Variants in TBC1D22A observed in about 807,000 individuals in gnomAD.
TBC1D22A encodes putative GTPase activator.
Under a neutral mutation model 60.2 loss-of-function variants are expected in TBC1D22A, and 38 were observed. The ratio of observed to expected loss-of-function variants is 0.63; its 90% CI spans 0.49 to 0.83. The LOEUF (loss-of-function observed/expected upper bound fraction) is 0.83, where lower values mean the gene tolerates loss of function less well. TBC1D22A is among the 40% of genes least tolerant of loss of function. The pLI is 0.00. For missense variants in TBC1D22A, 628 were observed against 701.0 expected, an observed-to-expected ratio of 0.90 and a Z score of 1.18; for synonymous variants, 302 against 281.7, an observed-to-expected ratio of 1.07 and a Z score of -0.72.
intron 8 of TBC1D22A, among the ~76,000 whole-genome samples, chr22:46,938,870 G>A (rs2071820165): frequency 6.6e-6 from 1 of 152,066 alleles, no homozygotes; most frequent in Admixed American, 6.6e-5. Flanking sequence ...ACAGGCGTGA[G>A]CCACCACAGC....
intron 9 of TBC1D22A, among the ~76,000 whole-genome samples, chr22:46,993,356 C>T (rs895922210): frequency 6.6e-6 from 1 of 152,268 alleles, no homozygotes; most frequent in African/African-American, 2.4e-5. Context: ...TTGTCTTCAG[C>T]CCTTCCTCTC....
intron 8 of TBC1D22A, among the ~76,000 whole-genome samples, chr22:46,948,256 A>G (rs1310885239): frequency 2.6e-5 from 4 of 152,262 alleles, no homozygotes; most frequent in Non-Finnish European, 4.4e-5. Flanking sequence ...TCTTAAATTG[A>G]CAAGTAAGAT....
intron 4 of TBC1D22A, among the ~76,000 whole-genome samples, chr22:46,825,214 T>G (rs2085999580): frequency 6.6e-6 from 1 of 152,078 alleles, no homozygotes; most frequent in South Asian, 2.1e-4. Context: ...ACATCCACGT[T>G]CCCCCCAGAG....
At position 46,895,677 on chromosome 22, in the gene TBC1D22A, CATTGTTTTCTAAG is replaced by C. The variant is rs1404719296; in HGVS notation, c.900+835_900+847del. Among the ~76,000 whole-genome samples, 21 of 152,320 alleles carry C rather than the reference CATTGTTTTCTAAG, an allele frequency of 1.4e-4. 2 individuals carry two copies. In the East Asian group the frequency reaches 4.0e-3, roughly 29 times the overall value. On this transcript the variant is annotated intron_variant, in intron 7 of 12. Coordinates refer to ENST00000337137, the MANE Select transcript of TBC1D22A (RefSeq NM_014346.5). Reference sequence around the variant, plus strand: ...GTGAGCCACGGCGCCCGGCGTCTCTCATTGTTTTCTAAGATTCAGCTAATCTGTTGTATCTAGT... The same window carrying C: ...GTGAGCCACGGCGCCCGGCGTCTCTCATTCAGCTAATCTGTTGTATCTAGT...
chr22:47,046,976 G>A (rs1176711185), intron 11 of TBC1D22A, among the ~76,000 whole-genome samples: 1 of 152,238 alleles, frequency 6.6e-6, no homozygotes, highest in African/African-American at 2.4e-5. Flanking sequence ...GGCATTTTTG[G>A]TAAGCTTTCA....
chr22:46,934,014 CTTTTAATATTTTCTTT>C (rs2071503616), intron 8 of TBC1D22A, among the ~76,000 whole-genome samples: 1 of 152,146 alleles, frequency 6.6e-6, no homozygotes, highest in Admixed American at 6.5e-5. Context: ...TGATATGTGC[CTTTTAATATTTTCTTT>C]TTTCTATTTG....
intron 4 of TBC1D22A, among the ~76,000 whole-genome samples, chr22:46,839,259 A>T (rs1293220367): frequency 7.4e-6 from 1 of 135,840 alleles, no homozygotes; most frequent in Non-Finnish European, 1.6e-5. Context: ...AAAAGAATGA[A>T]ATATGATACT....
intron 11 of TBC1D22A, among the ~76,000 whole-genome samples, chr22:47,083,675 C>G (rs745563843): frequency 7.9e-5 from 12 of 152,094 alleles, no homozygotes; most frequent in African/African-American, 2.9e-4. Context: ...TTTGGCAGAC[C>G]GTTTGCTTAA....
chr22:47,174,565 T>C lies in TBC1D22A; in HGVS notation c.*939T>C, dbSNP rs984757569. 2 of 152,314 alleles carry C rather than the reference T, an allele frequency of 1.3e-5. No homozygotes were observed. The highest frequency in any genetic ancestry group is 1.3e-4 in the Admixed American group (2 of 15,286). 9.4% of individuals were successfully genotyped at this position (152,314 alleles called of 1,614,324 possible). A position where few individuals can be genotyped will look rare whatever the true frequency, so the allele number is the denominator to read the frequency against. On this transcript the variant is annotated 3_prime_UTR_variant, in exon 13 of 13. Coordinates refer to ENST00000337137, the MANE Select transcript of TBC1D22A (RefSeq NM_014346.5). ...GAGACTTCCTGGGACTTGCTGTCCTTGTCCAGGTCTGCCAGGTGTAGGGGA... is the reference window on the plus strand; with the variant it reads ...GAGACTTCCTGGGACTTGCTGTCCTCGTCCAGGTCTGCCAGGTGTAGGGGA...
intron 4 of TBC1D22A, among the ~76,000 whole-genome samples, chr22:46,806,341 A>ATTTTTTTTTTT (rs34490073): frequency 7.5e-6 from 1 of 132,598 alleles, no homozygotes; most frequent in Non-Finnish European, 1.6e-5. Context: ...CTCTGTTCTG[A>ATTTTTTTTTTT]TTTTTTTTTT....
At chr22:46,886,487 A>G (rs1223424505) in intron 5 of TBC1D22A, among the ~76,000 whole-genome samples, 1 of 152,134 alleles carries the variant, frequency 6.6e-6, no homozygotes, top group Non-Finnish European at 1.5e-5. Flanking sequence ...GGCGGTTGTG[A>G]CCCGATGCCC....
In TBC1D22A at chr22:46,904,169, A is replaced by C. The variant is rs1431780641; in HGVS notation, c.901-7905A>C. ...TACCTACCTACCTACCTACCTACCT[A>C]CCTACCAGTCTGAGAGCAAAAGCTT... On this transcript the variant is annotated intron_variant, in intron 7 of 12. Coordinates refer to ENST00000337137, the MANE Select transcript of TBC1D22A (RefSeq NM_014346.5). 2.8e-5 allele frequency among the ~76,000 whole-genome samples: 4 copies of C among 143,902 alleles called. No individual in the cohort carries two copies. The Admixed American group carries it at 2.8e-4, about 10-fold the overall frequency. 94.4% of individuals were successfully genotyped at this position (143,902 alleles called of 152,430 possible). A position where few individuals can be genotyped will look rare whatever the true frequency, so the allele number is the denominator to read the frequency against.
At chr22:46,851,393 C>T (rs1323005381) in intron 4 of TBC1D22A, among the ~76,000 whole-genome samples, 2 of 152,246 alleles carry the variant, frequency 1.3e-5, no homozygotes, top group African/African-American at 4.8e-5. Flanking sequence ...TGCTGCTGCA[C>T]TCATCTCTAG....
intron 11 of TBC1D22A, among the ~76,000 whole-genome samples, chr22:47,099,550 A>G (rs1051196429): frequency 1.3e-5 from 2 of 151,858 alleles, no homozygotes; most frequent in African/African-American, 4.8e-5. Flanking sequence ...GGTTCAAGCA[A>G]TTCTCCTGCC....
intron 8 of TBC1D22A, among the ~76,000 whole-genome samples, chr22:46,946,292 G>C (rs531333054): frequency 6.6e-6 from 1 of 152,360 alleles, no homozygotes; most frequent in East Asian, 1.9e-4. Context: ...AGAGGATGCT[G>C]TGTGGAATAG....
intron 9 of TBC1D22A, among the ~76,000 whole-genome samples, chr22:46,978,330 ATATT>A (rs1289877174): frequency 6.6e-6 from 1 of 152,266 alleles, no homozygotes; most frequent in African/African-American, 2.4e-5. Flanking sequence ...AAAATTAAAA[ATATT>A]TAGTAATTTA....
At chr22:46,947,140 T>G (rs577895410) in intron 8 of TBC1D22A, among the ~76,000 whole-genome samples, 3 of 152,064 alleles carry the variant, frequency 2.0e-5, no homozygotes, top group Admixed American at 6.5e-5. Flanking sequence ...AAGAGTGCTG[T>G]GAATCGGTAG....
At chr22:46,928,126 G>GA (rs56701535) in intron 8 of TBC1D22A, among the ~76,000 whole-genome samples, 55 of 146,396 alleles carry the variant, frequency 3.8e-4, no homozygotes, top group Non-Finnish European at 5.3e-4. Context: ...TAACAGTCTT[G>GA]AAAAAAAAAA....
At chr22:46,953,212 A>G (rs1213243982) in intron 8 of TBC1D22A, among the ~76,000 whole-genome samples, 3 of 152,200 alleles carry the variant, frequency 2.0e-5, no homozygotes, top group Non-Finnish European at 4.4e-5. Context: ...AATACTTCAT[A>G]TTTCGAGTTG....
Sources: gnomAD v4.1 joint callset for allele counts (sites outside exome capture counted in the v4.1 genomes callset) on GRCh38, gnomAD v4.1.1 for gene constraint, MANE v1.5 for transcripts, NCBI Gene and HGNC (gene_info 2026-07-23, HGNC 2026-07-21) for gene names.